The following PBX1 variants were observed in gnomAD, a reference collection of about 807,000 sequenced individuals.
PBX1 encodes pre-B-cell leukemia transcription factor 1.
In PBX1, 6 loss-of-function variants were observed where a neutral mutation model predicts 53.4. The observed-to-expected ratio is 0.11, with a 90% CI of 0.06 to 0.22. The LOEUF is 0.22. Ranked by LOEUF, PBX1 falls within the 10% of genes least tolerant of loss-of-function variation. The pLI is 1.00. For synonymous variants in PBX1, 204 were observed against 212.3 expected (o/e 0.96, Z 0.34); for missense variants, 251 against 551.4 (o/e 0.46, Z 5.46).
chr1:164,618,113 C>T (rs1191288168), intron 2 of PBX1, among the ~76,000 whole-genome samples: 1 of 152,166 alleles, frequency 6.6e-6, no homozygotes, highest in Admixed American at 6.5e-5. Context: ...TGTCTGTGAG[C>T]ATTTCTCTGG....
At chr1:164,616,092 A>G (rs1368066469) in intron 2 of PBX1, among the ~76,000 whole-genome samples, 1 of 152,106 alleles carries the variant, frequency 6.6e-6, no homozygotes, top group Non-Finnish European at 1.5e-5. Flanking sequence ...GGGATGGGAA[A>G]AGTTGGCTTA....
intron 2 of PBX1, among the ~76,000 whole-genome samples, chr1:164,780,398 C>A (rs1162078295): frequency 6.6e-6 from 1 of 152,094 alleles, no homozygotes; most frequent in East Asian, 1.9e-4. Context: ...TTAAAATGTC[C>A]CCCTGGAAAC....
rs1466685611 is a variant in PBX1 at position 164,850,173 on chromosome 1, T to C, written c.*3497T>C. ...TTTCTGTGACAATGCGCATCATTCC[T>C]GCATTAGTTTTTAACACCAGACTAC... On this transcript the variant is annotated 3_prime_UTR_variant, in exon 9 of 9. Transcript: ENST00000420696. The C allele has an allele frequency of 4.4e-6, 1 of 227,566 alleles. No homozygotes were observed. Among genetic ancestry groups the C allele is most frequent in the East Asian group, 6.3e-5 (1 of 15,846 alleles). The allele number at this position is 227,566 out of a possible 1,614,324, so 14.1% of individuals were successfully genotyped here.
At position 164,849,578 on chromosome 1, in the gene PBX1, C is replaced by G; in HGVS notation, c.*2902C>G. On this transcript the variant is annotated 3_prime_UTR_variant, in exon 9 of 9. Coordinates refer to ENST00000420696, the MANE Select transcript of PBX1 (RefSeq NM_002585.4). ...AATAGATGTGGGAGTGCTCCATTTT[C>G]CCCGACAGCGAATTTCCCCTGAGAA... The G allele has an allele frequency of 1.0e-6, 1 of 962,026 alleles. No homozygotes were observed. Among genetic ancestry groups the G allele is most frequent in the African/African-American group, 1.6e-5 (1 of 61,058 alleles). 59.6% of individuals were successfully genotyped at this position (962,026 alleles called of 1,614,324 possible). A position where few individuals can be genotyped will look rare whatever the true frequency, so the allele number is the denominator to read the frequency against.
intron 8 of PBX1, among the ~76,000 whole-genome samples, chr1:164,825,232 A>G (rs1218711228): frequency 6.6e-6 from 1 of 151,980 alleles, no homozygotes; most frequent in African/African-American, 2.4e-5. Flanking sequence ...CACTATCCAA[A>G]TCACACTGAG....
chr1:164,654,027 A>G (rs909686196), intron 2 of PBX1, among the ~76,000 whole-genome samples: 4 of 152,112 alleles, frequency 2.6e-5, no homozygotes, highest in African/African-American at 9.7e-5. Flanking sequence ...TTTCTGATAA[A>G]TTTTTACCAT....
intron 2 of PBX1, among the ~76,000 whole-genome samples, chr1:164,767,751 A>C (rs570246867): frequency 2.9e-4 from 44 of 152,018 alleles, no homozygotes; most frequent in Admixed American, 2.4e-3. Flanking sequence ...GATAAGGCTC[A>C]TTCTTATGTA....
intron 2 of PBX1, among the ~76,000 whole-genome samples, chr1:164,705,522 A>T (rs972724002): frequency 6.6e-5 from 10 of 152,148 alleles, no homozygotes; most frequent in Non-Finnish European, 1.5e-4. Flanking sequence ...TTGCTTACTT[A>T]AGCCTCAGGA....
At chr1:164,877,400 C>T (rs954006385) in intron 2 of PBX1, among the ~76,000 whole-genome samples, 2 of 152,176 alleles carry the variant, frequency 1.3e-5, no homozygotes, top group African/African-American at 4.8e-5. Context: ...CAGTGGCTCA[C>T]GCCTGTAATC....
In PBX1 at chr1:164,871,406, A is replaced by G. The variant is rs138056984; in HGVS notation, n.258-27782A>G. 9.8e-3 allele frequency among the ~76,000 whole-genome samples: 1,490 copies of G among 152,348 alleles called. 16 individuals are homozygous for G. Among genetic ancestry groups the G allele is most frequent in the Middle Eastern group, 0.065 (19 of 294 alleles). ...ATTGGCCCAATAAAGCAGGCATTACATGGTGGGAAAATAAATGTGAAGCAG... is the reference window on the plus strand; with the variant it reads ...ATTGGCCCAATAAAGCAGGCATTACGTGGTGGGAAAATAAATGTGAAGCAG... On this transcript the variant is annotated intron_variant and non_coding_transcript_variant, in intron 2 of 2. Transcript: ENST00000558796.
intron 2 of PBX1, chr1:164,684,548 C>T (rs1459845441): frequency 1.3e-5 from 2 of 152,284 alleles, no homozygotes; most frequent in East Asian, 1.9e-4. Context: ...TTTGACCAGT[C>T]CTTTCACTGA....
intron 2 of PBX1, among the ~76,000 whole-genome samples, chr1:164,663,296 G>T (rs968414037): frequency 6.7e-6 from 1 of 148,864 alleles, no homozygotes; most frequent in African/African-American, 2.5e-5. Flanking sequence ...CTACCTGCCT[G>T]CCTTCCTGCC....
At chr1:164,884,711 C>CA (rs994436248) in intron 2 of PBX1, 16 of 293,564 alleles carry the variant, frequency 5.5e-5, no homozygotes, top group Admixed American at 5.1e-5. Flanking sequence ...TCATATCAGC[C>CA]AAAAAACTCT....
chr1:164,707,881 G>T (rs565393129), intron 2 of PBX1, among the ~76,000 whole-genome samples: 6 of 152,194 alleles, frequency 3.9e-5, no homozygotes, highest in Admixed American at 1.3e-4. Flanking sequence ...TTTCGATTGC[G>T]CTATCTTGAT....
chr1:164,580,275 C>T (rs1038775235), intron 2 of PBX1, among the ~76,000 whole-genome samples: 2 of 152,084 alleles, frequency 1.3e-5, no homozygotes, highest in African/African-American at 2.4e-5. Context: ...TTTTAGAATC[C>T]ACCTGACTTT....
chr1:164,663,232 T>G (rs1456144014), intron 2 of PBX1, among the ~76,000 whole-genome samples: 2 of 142,050 alleles, frequency 1.4e-5, no homozygotes, highest in South Asian at 2.4e-4. Flanking sequence ...CTTCCTGCCT[T>G]CCTTCCTTCC....
intron 4 of PBX1, among the ~76,000 whole-genome samples, chr1:164,802,130 G>T (rs1193355162): frequency 1.3e-5 from 2 of 152,214 alleles, no homozygotes; most frequent in African/African-American, 2.4e-5. Flanking sequence ...AATCTAATAG[G>T]TGTGTAGAAT....
intron 2 of PBX1, among the ~76,000 whole-genome samples, chr1:164,863,420 T>G (rs952805865): frequency 6.6e-6 from 1 of 152,204 alleles, no homozygotes; most frequent in African/African-American, 2.4e-5. Flanking sequence ...GGCATTGTTC[T>G]GAGTGCCAGG....
intron 2 of PBX1, among the ~76,000 whole-genome samples, chr1:164,601,235 CAAAAAAAAAAAAA>C (rs746798555): frequency 8.8e-5 from 3 of 33,998 alleles, no homozygotes; most frequent in African/African-American, 2.7e-4. Flanking sequence ...GATTCTGTCT[CAAAAAAAAAAAAA>C]AAAAAAAAAA....
Sources: gnomAD v4.1 joint callset for allele counts (sites outside exome capture counted in the v4.1 genomes callset) on GRCh38, gnomAD v4.1.1 for gene constraint, MANE v1.5 for transcripts, NCBI Gene and HGNC (gene_info 2026-07-23, HGNC 2026-07-21) for gene names.